FAM229B: variants seen among roughly 807,000 people sequenced by gnomAD.
The protein encoded by FAM229B is family with sequence similarity 229 member B.
A neutral mutation model predicts 6.7 loss-of-function variants in FAM229B; 2 were observed. The ratio of observed to expected loss-of-function variants is 0.30; its 90% CI spans 0.12 to 0.94. The LOEUF (loss-of-function observed/expected upper bound fraction) is 0.94, where lower values mean the gene tolerates loss of function less well. Ranked by LOEUF, FAM229B falls within the 40% of genes least tolerant of loss-of-function variation. FAM229B has a pLI of 0.54. For missense variants in FAM229B, 93 were observed against 96.2 expected (o/e 0.97, Z 0.14); for synonymous variants, 29 against 34.0 (o/e 0.85, Z 0.51).
At chr6:112,091,330 C>A (rs919008565) in intron 1 of FAM229B, among the ~76,000 whole-genome samples, 3 of 152,094 alleles carry the variant, frequency 2.0e-5, no homozygotes, top group African/African-American at 4.8e-5. Context: ...AGTGCTGATC[C>A]TTGCATGGAT....
chr6:112,095,285 A>G (rs781860637), intron 1 of FAM229B, among the ~76,000 whole-genome samples: 5 of 152,168 alleles, frequency 3.3e-5, no homozygotes, highest in Admixed American at 6.5e-5. Context: ...ATACCATTTT[A>G]CAGACAAACT....
chr6:112,098,509 C>T (rs1328664490), intron 2 of FAM229B, among the ~76,000 whole-genome samples: 1 of 152,150 alleles, frequency 6.6e-6, no homozygotes, highest in Non-Finnish European at 1.5e-5. Context: ...CTTACTTAAT[C>T]CTCACTATTA....
At chr6:112,089,268 TGAAG>T (rs1777225058) in intron 1 of FAM229B, among the ~76,000 whole-genome samples, 1 of 151,486 alleles carries the variant, frequency 6.6e-6, no homozygotes, top group Non-Finnish European at 1.5e-5. Context: ...CTCCTAAAAT[TGAAG>T]GAAGGAAGAC....
chr6:112,102,646 G>A lies in FAM229B; in HGVS notation c.*1859G>A, dbSNP rs909772237. The A allele has an allele frequency of 6.6e-6, 1 of 152,094 alleles. No individual in the cohort carries two copies. The highest frequency in any genetic ancestry group is 2.4e-5 in the African/African-American group (1 of 41,394). The allele number at this position is 152,094 out of a possible 1,614,324, so 9.4% of individuals were successfully genotyped here. On this transcript the variant is annotated 3_prime_UTR_variant, in exon 4 of 4. Coordinates refer to ENST00000368656, the MANE Select transcript of FAM229B (RefSeq NM_001033564.3). ...AGGGTTAGGGTTAGGTTAGGGAGAT[G>A]GGAATAGACTGAAGACTACTCTGGA...
rs587691583 is a variant in FAM229B at position 112,093,053 on chromosome 6, T to A, written c.-175-3988T>A. ...TTTAATTCAACCGTATCTATCATAT[T>A]AAATATTAATATAAATGATAAAAAT... On this transcript the variant is annotated intron_variant, in intron 1 of 3. Coordinates refer to ENST00000368656, the MANE Select transcript of FAM229B (RefSeq NM_001033564.3). Among the ~76,000 whole-genome samples the A allele has an allele frequency of 3.2e-4, 48 of 151,990 alleles. 1 individual carries two copies. Among genetic ancestry groups the A allele is most frequent in the African/African-American group, 1.1e-3 (47 of 41,520 alleles).
At position 112,087,612 on chromosome 6, in the gene FAM229B, A is replaced by G. The variant is rs987540377; in HGVS notation, c.-284A>G. The G allele has an allele frequency of 3.1e-6, 2 of 654,802 alleles. No individual in the cohort carries two copies. Among genetic ancestry groups the G allele is most frequent in the South Asian group, 1.9e-5 (1 of 51,324 alleles). 40.6% of individuals were successfully genotyped at this position (654,802 alleles called of 1,614,324 possible). On this transcript the variant is annotated 5_prime_UTR_variant, in exon 1 of 4. Coordinates refer to ENST00000368656, the MANE Select transcript of FAM229B (RefSeq NM_001033564.3). ...TTCCGTCAGAAGGCCGCGCAAGTGCACTTGCGTGTCACCGTTACCGTAGCG... is the reference window on the plus strand; with the variant it reads ...TTCCGTCAGAAGGCCGCGCAAGTGCGCTTGCGTGTCACCGTTACCGTAGCG...
In FAM229B at chr6:112,099,373, T is replaced by G. The variant is rs1191749614; in HGVS notation, c.90T>G (p.Ser30Arg). ...AGCTGGAACCTGGGCTGAGCTCCAG[T>G]GCTGCCTGTAATGGGAAGGAGATGT... The part of the protein sequence containing the change: ...SIELEPGLSS[S>R]AACNGKEMSP... The change falls in exon 3 of 4, where the codon AGT becomes AGG. Residue 30 changes from serine (S) to arginine (R), a missense_variant. By Grantham distance (110) the Ser-to-Arg change is moderately radical. Coordinates refer to ENST00000368656, the MANE Select transcript of FAM229B (RefSeq NM_001033564.3). The G allele has an allele frequency of 6.8e-6, 11 of 1,613,970 alleles. No homozygotes were observed. Among genetic ancestry groups the G allele is most frequent in the Non-Finnish European group, 9.3e-6 (11 of 1,179,908 alleles).
rs1435928155 is a variant in FAM229B at position 112,100,617 on chromosome 6, A to C, written c.126-53A>C. The C allele has an allele frequency of 3.9e-6, 5 of 1,279,246 alleles. No individual in the cohort carries two copies. In the African/African-American group the frequency reaches 5.9e-5, roughly 15 times the overall value. 79.2% of individuals were successfully genotyped at this position (1,279,246 alleles called of 1,614,324 possible). On this transcript the variant is annotated intron_variant, in intron 3 of 3. Coordinates refer to ENST00000368656, the MANE Select transcript of FAM229B (RefSeq NM_001033564.3). ...AATCAAACTTTGGTGCTCTGAAAAA[A>C]AATATTTCCTCTTTTTAGTATCTAA... is the stretch of plus-strand genomic sequence containing the variant.
intron 1 of FAM229B, among the ~76,000 whole-genome samples, chr6:112,091,223 T>TA: frequency 6.6e-6 from 1 of 152,308 alleles, no homozygotes; most frequent in African/African-American, 2.4e-5. Context: ...ATTGTGTATA[T>TA]ATACCACATT....
Position 112,087,652 on chromosome 6 carries a change from C to G in FAM229B, c.-244C>G. ...TTACCGTAGCGACTGGGCTTCTGGA[C>G]TGTATATCCTAGCTGCCTTGTCAAC... is the stretch of plus-strand genomic sequence containing the variant. On this transcript the variant is annotated 5_prime_UTR_variant, in exon 1 of 4. Coordinates refer to ENST00000368656, the MANE Select transcript of FAM229B (RefSeq NM_001033564.3). The G allele has an allele frequency of 3.6e-6, 2 of 553,520 alleles. No individual in the cohort carries two copies. Among genetic ancestry groups the G allele is most frequent in the Non-Finnish European group, 6.4e-6 (2 of 312,602 alleles). 34.3% of individuals were successfully genotyped at this position (553,520 alleles called of 1,614,324 possible).
chr6:112,095,662 C>CAAAAAAAAAAAAA (rs376039549), intron 1 of FAM229B, among the ~76,000 whole-genome samples: 1 of 77,906 alleles, frequency 1.3e-5, no homozygotes, highest in Non-Finnish European at 2.7e-5. Flanking sequence ...AAAAAAAAAC[C>CAAAAAAAAAAAAA]AAAAAAAAAA....
In FAM229B at chr6:112,102,784, A is replaced by C. The variant is rs1312413402; in HGVS notation, c.*1997A>C. The C allele has an allele frequency of 6.6e-6, 1 of 152,196 alleles. No individual in the cohort carries two copies. Among genetic ancestry groups the C allele is most frequent in the Non-Finnish European group, 1.5e-5 (1 of 68,024 alleles). 9.4% of individuals were successfully genotyped at this position (152,196 alleles called of 1,614,324 possible). A position where few individuals can be genotyped will look rare whatever the true frequency, so the allele number is the denominator to read the frequency against. ...CAAAATAAAAATAAAAACTACAATA[A>C]AATCCAGCACCAAAAGTGTAACATT... On this transcript the variant is annotated 3_prime_UTR_variant, in exon 4 of 4. Transcript: ENST00000368656.
chr6:112,098,260 T>C (rs2114509455), intron 2 of FAM229B, among the ~76,000 whole-genome samples: 1 of 152,146 alleles, frequency 6.6e-6, no homozygotes, highest in East Asian at 1.9e-4. Flanking sequence ...CTTAATGGAT[T>C]GCATTGGCCA....
At chr6:112,100,608 T>A in intron 3 of FAM229B, 62 bp from the exon 4 acceptor site, 2 of 1,128,036 alleles carry the variant, frequency 1.8e-6, no homozygotes, top group Non-Finnish European at 2.7e-6. Flanking sequence ...ACTTTGGTGC[T>A]CTGAAAAAAA....
At chr6:112,091,032 C>T (rs1053818065) in intron 1 of FAM229B, among the ~76,000 whole-genome samples, 5 of 150,052 alleles carry the variant, frequency 3.3e-5, no homozygotes, top group Admixed American at 1.3e-4. Context: ...CTTTGCTACC[C>T]TCTGGTAACC....
rs1295876170 is a variant in FAM229B at position 112,100,662 on chromosome 6, T to G, written c.126-8T>G. On this transcript the variant is annotated splice_region_variant and splice_polypyrimidine_tract_variant and intron_variant, in intron 3 of 3. Coordinates refer to ENST00000368656, the MANE Select transcript of FAM229B (RefSeq NM_001033564.3). ...ATCTAACTACATGTCATCTGCTTTT[T>G]TATTCAGGCAACTCCGGAGGTGCCC... The G allele has an allele frequency of 5.0e-5, 80 of 1,604,316 alleles. No homozygotes were observed. The highest frequency in any genetic ancestry group is 6.1e-5 in the Non-Finnish European group (72 of 1,171,908).
rs1174179556 is a variant in FAM229B at position 112,101,764 on chromosome 6, A to C, written c.*977A>C. 11 of 152,228 alleles carry C rather than the reference A, an allele frequency of 7.2e-5. No individual in the cohort carries two copies. The highest frequency in any genetic ancestry group is 1.5e-4 in the Non-Finnish European group (10 of 68,038). 9.4% of individuals were successfully genotyped at this position (152,228 alleles called of 1,614,324 possible). On this transcript the variant is annotated 3_prime_UTR_variant, in exon 4 of 4. Coordinates refer to ENST00000368656, the MANE Select transcript of FAM229B (RefSeq NM_001033564.3). ...CTGAAAATATACATATAAGCCTTTT[A>C]AAATGAAAAGTTTATTAACTTATAA... is the stretch of plus-strand genomic sequence containing the variant.
At chr6:112,094,495 T>G (rs1777297473) in intron 1 of FAM229B, among the ~76,000 whole-genome samples, 1 of 152,080 alleles carries the variant, frequency 6.6e-6, no homozygotes, top group South Asian at 2.1e-4. Context: ...CCTCCTCAAC[T>G]GTGTCAATGT....
chr6:112,099,935 G>T (rs1043486117), intron 3 of FAM229B, among the ~76,000 whole-genome samples: 1 of 152,204 alleles, frequency 6.6e-6, no homozygotes, highest in Non-Finnish European at 1.5e-5. Flanking sequence ...AGAATGATTA[G>T]TTCCATTTCT....
Sources: gnomAD v4.1 joint callset for allele counts (sites outside exome capture counted in the v4.1 genomes callset) on GRCh38, gnomAD v4.1.1 for gene constraint, MANE v1.5 for transcripts, NCBI Gene and HGNC (gene_info 2026-07-23, HGNC 2026-07-21) for gene names.